USP45: variants seen among roughly 807,000 people sequenced by gnomAD.
USP45 encodes the protein ubiquitin carboxyl-terminal hydrolase 45.
In USP45, 89 loss-of-function variants were observed where a neutral mutation model predicts 95.8. The observed-to-expected ratio is 0.93, with a 90% confidence interval of 0.78 to 1.11. The LOEUF (loss-of-function observed/expected upper bound fraction) is 1.11. USP45 is among the 50% of genes least tolerant of loss of function. USP45 has a pLI of 0.00. For synonymous variants in USP45, 281 were observed against 316.2 expected, an observed-to-expected ratio of 0.89 and a Z score of 1.18; for missense variants, 898 against 942.5, an observed-to-expected ratio of 0.95 and a Z score of 0.62.
At position 99,437,929 on chromosome 6, in the gene USP45, A is replaced by G. The variant is rs772946348; in HGVS notation, c.2161-530T>C. 2.1e-4 allele frequency among the ~76,000 whole-genome samples: 32 copies of G among 152,156 alleles called. 1 individual carries two copies. The highest frequency in any genetic ancestry group is 4.6e-4 in the Admixed American group (7 of 15,278). ...TGCCTTGGCCTCCCAAAGCGCTGGG[A>G]TTACAGGCGTAAGCCACTGAGCCTG... is the stretch of plus-strand genomic sequence containing the variant. On this transcript the variant is annotated intron_variant, in intron 16 of 17. Coordinates refer to ENST00000500704, the MANE Select transcript of USP45 (RefSeq NM_001346022.3).
In USP45 at chr6:99,468,518, T is replaced by G. The variant is rs769051200; in HGVS notation, c.1015+19A>C. 25 of 1,515,946 alleles carry G rather than the reference T, an allele frequency of 1.6e-5. No individual in the cohort carries two copies. The highest frequency in any genetic ancestry group is 2.2e-5 in the Non-Finnish European group (24 of 1,111,470). 93.9% of individuals were successfully genotyped at this position (1,515,946 alleles called of 1,614,324 possible). A position where few individuals can be genotyped will look rare whatever the true frequency, so the allele number is the denominator to read the frequency against. ...AATATTTTCTTAAAGAAAAAAGTTT[T>G]AACAAAGAGTCAACATACCTTTGAC... is the stretch of plus-strand genomic sequence containing the variant. On this transcript the variant is annotated intron_variant, in intron 10 of 17. Coordinates refer to ENST00000500704, the MANE Select transcript of USP45 (RefSeq NM_001346022.3).
chr6:99,480,228 T>C (rs918210882), intron 8 of USP45, among the ~76,000 whole-genome samples: 13 of 152,170 alleles, frequency 8.5e-5, no homozygotes, highest in Non-Finnish European at 4.4e-5. Flanking sequence ...CTGAAAACTA[T>C]ACACCCTTGA....
At chr6:99,437,183 T>C (rs1468980292) in intron 17 of USP45, 63 bp downstream of exon 17, 1 of 1,506,982 alleles carries the variant, frequency 6.6e-7, no homozygotes, top group Non-Finnish European at 8.9e-7. Context: ...AACTTAGCTC[T>C]CCCAGAAAAG....
intron 14 of USP45, among the ~76,000 whole-genome samples, chr6:99,444,407 T>A (rs1295030044): frequency 1.3e-5 from 2 of 152,190 alleles, no homozygotes; most frequent in Non-Finnish European, 2.9e-5. Flanking sequence ...TTATTACTAG[T>A]GTATTAAGTA....
chr6:99,488,377 T>C, intron 6 of USP45, 82 bp from the exon 7 acceptor site: 1 of 902,904 alleles, frequency 1.1e-6, no homozygotes, highest in Non-Finnish European at 1.7e-6. Context: ...AAATTTCATC[T>C]AGCATAGCAA....
chr6:99,478,110 C>A (rs1791332090), intron 8 of USP45, among the ~76,000 whole-genome samples: 1 of 151,702 alleles, frequency 6.6e-6, no homozygotes, highest in African/African-American at 2.4e-5. Flanking sequence ...CATTCCTGAA[C>A]AAAGAGAAAC....
intron 15 of USP45, among the ~76,000 whole-genome samples, chr6:99,440,612 C>A (rs1781347899): frequency 6.6e-6 from 1 of 152,176 alleles, no homozygotes; most frequent in African/African-American, 2.4e-5. Flanking sequence ...AATGACTGAT[C>A]TTTCATTTGC....
At chr6:99,506,005 TC>T (rs1798451817) in intron 4 of USP45, among the ~76,000 whole-genome samples, 1 of 152,202 alleles carries the variant, frequency 6.6e-6, no homozygotes, top group African/African-American at 2.4e-5. Context: ...CTCTGTTCTT[TC>T]GTCATTCTCC....
At chr6:99,440,480 T>C (rs1172311257) in intron 15 of USP45, among the ~76,000 whole-genome samples, 1 of 152,096 alleles carries the variant, frequency 6.6e-6, no homozygotes, top group Non-Finnish European at 1.5e-5. Context: ...AACTAGCTAA[T>C]AAAATATCAA....
intron 13 of USP45, among the ~76,000 whole-genome samples, chr6:99,458,759 G>A (rs1378920420): frequency 2.6e-5 from 4 of 152,194 alleles, no homozygotes; most frequent in Non-Finnish European, 5.9e-5. Flanking sequence ...GAATTGAGTG[G>A]ATCAGAGAAA....
At chr6:99,506,296 T>G (rs930604095) in intron 4 of USP45, among the ~76,000 whole-genome samples, 1 of 152,182 alleles carries the variant, frequency 6.6e-6, no homozygotes, top group Non-Finnish European at 1.5e-5. Context: ...AACAGTGTGA[T>G]ATGCTAATAA....
intron 7 of USP45, among the ~76,000 whole-genome samples, chr6:99,486,597 T>C (rs1183213846): frequency 2.2e-5 from 3 of 136,970 alleles, no homozygotes; most frequent in Non-Finnish European, 3.1e-5. Flanking sequence ...AACATTTACA[T>C]GTAAATATAT....
chr6:99,476,317 G>T, intron 8 of USP45, 87 bp from the exon 9 acceptor site: 2 of 1,323,954 alleles, frequency 1.5e-6, no homozygotes, highest in Non-Finnish European at 2.1e-6. Flanking sequence ...ACTTGAAATA[G>T]CATATTATTA....
At chr6:99,507,120 T>C (rs1482273936) in intron 4 of USP45, among the ~76,000 whole-genome samples, 1 of 152,112 alleles carries the variant, frequency 6.6e-6, no homozygotes, top group Non-Finnish European at 1.5e-5. Context: ...GGCAGGAGAA[T>C]TGCTTCAACC....
At chr6:99,435,987 C>G (rs1185433342) in intron 17 of USP45, 141 bp from the exon 18 acceptor site, 3 of 817,088 alleles carry the variant, frequency 3.7e-6, no homozygotes, top group Admixed American at 3.4e-5. Flanking sequence ...TTGGGTTAAG[C>G]ATTTTCCAAA....
chr6:99,469,835 G>A (rs1168650726), intron 9 of USP45, among the ~76,000 whole-genome samples: 1 of 151,906 alleles, frequency 6.6e-6, no homozygotes, highest in African/African-American at 2.4e-5. Context: ...ATGTTGCCCA[G>A]GCTGGTCTCA....
In USP45 at chr6:99,497,519, C is replaced by T. The variant is rs150188090; in HGVS notation, c.478+6246G>A. ...TTGGAACCAAATAATAATTAGCTTG[C>T]CAGTTTACTCTCAAAATCGACTAAC... On this transcript the variant is annotated intron_variant, in intron 5 of 17. Coordinates refer to ENST00000500704, the MANE Select transcript of USP45 (RefSeq NM_001346022.3). Among the ~76,000 whole-genome samples, 87 of 152,286 alleles carry T rather than the reference C, an allele frequency of 5.7e-4. 1 individual carries two copies. Among genetic ancestry groups the T allele is most frequent in the African/African-American group, 1.9e-3 (77 of 41,540 alleles).
At chr6:99,472,514 C>T (rs1789686399) in intron 9 of USP45, among the ~76,000 whole-genome samples, 1 of 152,084 alleles carries the variant, frequency 6.6e-6, no homozygotes, top group Non-Finnish European at 1.5e-5. Flanking sequence ...CCATGCCCAG[C>T]CCACTTACAT....
At position 99,434,573 on chromosome 6, in the gene USP45, T is replaced by G. The variant is rs1780168965; in HGVS notation, c.*1143A>C. On this transcript the variant is annotated 3_prime_UTR_variant, in exon 18 of 18. Transcript: ENST00000500704. The stretch of plus-strand genomic sequence containing the variant: ...TGTATTCTAGAGGGGAAAAATGATA[T>G]TTTTGCTATTATTTAAAAAGAAAAT... 2 of 152,186 alleles carry G rather than the reference T, an allele frequency of 1.3e-5. No homozygotes were observed. Among genetic ancestry groups the G allele is most frequent in the Admixed American group, 1.3e-4 (2 of 15,284 alleles). The allele number at this position is 152,186 out of a possible 1,614,324, so 9.4% of individuals were successfully genotyped here.
Sources: gnomAD v4.1 joint callset for allele counts (sites outside exome capture counted in the v4.1 genomes callset) on GRCh38, gnomAD v4.1.1 for gene constraint, MANE v1.5 for transcripts, NCBI Gene and HGNC (gene_info 2026-07-23, HGNC 2026-07-21) for gene names.